Variants in RNF180 observed in about 807,000 individuals in gnomAD.
The protein encoded by RNF180 is E3 ubiquitin-protein ligase RNF180.
Under a neutral mutation model 59.2 loss-of-function variants are expected in RNF180, and 38 were observed. The ratio of observed to expected loss-of-function variants is 0.64; its 90% CI spans 0.50 to 0.84. RNF180 has a LOEUF of 0.84. Among genes scored for constraint, RNF180 ranks in the 40% least tolerant of loss-of-function variants. The probability of loss-of-function intolerance (pLI) is 0.00; values close to 1 mark genes in which losing one functional copy is unlikely to be tolerated. For synonymous variants in RNF180, 262 were observed against 240.3 expected, an observed-to-expected ratio of 1.09 and a Z score of -0.84; for missense variants, 705 against 700.9, an observed-to-expected ratio of 1.01 and a Z score of -0.07.
intron 1 of RNF180, among the ~76,000 whole-genome samples, chr5:64,182,137 C>CCCA (rs1383752089): frequency 4.6e-5 from 7 of 151,052 alleles, no homozygotes; most frequent in Non-Finnish European, 7.4e-5. Context: ...ACTACAGGCG[C>CCCA]CCACCACCAC....
intron 5 of RNF180, among the ~76,000 whole-genome samples, chr5:64,320,037 T>G (rs567962614): frequency 6.6e-6 from 1 of 152,310 alleles, no homozygotes; most frequent in South Asian, 2.1e-4. Flanking sequence ...CCTGGGAACC[T>G]ATTAAAAATG....
chr5:64,307,342 A>T (rs1743525692), intron 5 of RNF180, among the ~76,000 whole-genome samples: 1 of 151,572 alleles, frequency 6.6e-6, no homozygotes, highest in Non-Finnish European at 1.5e-5. Flanking sequence ...GCATTTAAAA[A>T]TTAGTGTTAA....
At chr5:64,366,583 C>T (rs1428023252) in intron 7 of RNF180, among the ~76,000 whole-genome samples, 2 of 151,162 alleles carry the variant, frequency 1.3e-5, no homozygotes, top group Non-Finnish European at 3.0e-5. Flanking sequence ...AAATGAAATA[C>T]AAAATATATT....
chr5:64,239,950 C>T (rs1275927335), intron 5 of RNF180, among the ~76,000 whole-genome samples: 3 of 152,106 alleles, frequency 2.0e-5, no homozygotes, highest in African/African-American at 7.2e-5. Context: ...ATGTACTGCT[C>T]ACCTATATAC....
chr5:64,259,584 T>G (rs1385334553), intron 5 of RNF180, among the ~76,000 whole-genome samples: 1 of 152,152 alleles, frequency 6.6e-6, no homozygotes, highest in East Asian at 1.9e-4. Context: ...TTTTTCAAAT[T>G]TAAGTTAGCA....
chr5:64,181,162 G>A (rs975074154), intron 1 of RNF180, among the ~76,000 whole-genome samples: 2 of 152,136 alleles, frequency 1.3e-5, no homozygotes, highest in Non-Finnish European at 2.9e-5. Context: ...TTCTAGCCTC[G>A]CTGGCAGCTG....
Position 64,214,237 on chromosome 5 carries a change from C to T in RNF180, c.911C>T (p.Thr304Ile), listed in dbSNP as rs150887810. Residue 304 changes from threonine to isoleucine, a missense_variant, in exon 4 of 8, where the codon ACA becomes ATA. Coordinates refer to ENST00000389100, the MANE Select transcript of RNF180 (RefSeq NM_001113561.2). ...RFSVAPHETQTQRGGEFQCGL... is the reference protein window; with the variant it reads ...RFSVAPHETQIQRGGEFQCGL... ...TCAGTGGCCCCCCATGAGACCCAGA[C>T]ACAAAGAGGAGGAGAATTTCAGTGT... is the stretch of plus-strand genomic sequence containing the variant. The T allele has an allele frequency of 2.2e-4, 350 of 1,614,020 alleles. 1 individual carries two copies. In the African/African-American group the frequency reaches 3.6e-3, roughly 17 times the overall value.
At chr5:64,353,771 A>G (rs547017344) in intron 7 of RNF180, among the ~76,000 whole-genome samples, 4 of 151,886 alleles carry the variant, frequency 2.6e-5, no homozygotes, top group Non-Finnish European at 5.9e-5. Context: ...AATACAAAGT[A>G]TCTTCGCTGA....
At chr5:64,220,269 T>G (rs1752841548) in intron 5 of RNF180, among the ~76,000 whole-genome samples, 1 of 151,778 alleles carries the variant, frequency 6.6e-6, no homozygotes, top group Non-Finnish European at 1.5e-5. Context: ...TTTCTTCTCT[T>G]TACTTCCTTT....
intron 5 of RNF180, among the ~76,000 whole-genome samples, chr5:64,289,636 G>A (rs190029617): frequency 1.3e-5 from 2 of 152,158 alleles, no homozygotes; most frequent in Admixed American, 1.3e-4. Context: ...TATGTGTCTA[G>A]GAACGTATTC....
Position 64,249,284 on chromosome 5 carries a change from C to T in RNF180, c.1227+31888C>T, listed in dbSNP as rs143067285. On this transcript the variant is annotated intron_variant, in intron 5 of 7. Coordinates refer to ENST00000389100, the MANE Select transcript of RNF180 (RefSeq NM_001113561.2). ...AGAAAAAATAAGCTCACTGTCAAAACTTAAAGACAGAGAGGATTCTAAAAG... is the reference window on the plus strand; with the variant it reads ...AGAAAAAATAAGCTCACTGTCAAAATTTAAAGACAGAGAGGATTCTAAAAG... 3.4e-3 allele frequency among the ~76,000 whole-genome samples: 523 copies of T among 152,112 alleles called. 2 individuals are homozygous for T. Among genetic ancestry groups the T allele is most frequent in the African/African-American group, 0.011 (475 of 41,498 alleles).
At chr5:64,328,655 C>T (rs1744761370) in intron 6 of RNF180, among the ~76,000 whole-genome samples, 1 of 152,090 alleles carries the variant, frequency 6.6e-6, no homozygotes, top group South Asian at 2.1e-4. Context: ...ACTTCAGTTG[C>T]CTAGAGTAGT....
intron 1 of RNF180, 186 bp downstream of exon 1, chr5:64,166,139 G>A: frequency 6.6e-6 from 1 of 152,432 alleles, no homozygotes; most frequent in Non-Finnish European, 1.5e-5. Flanking sequence ...CGGGCCTCAG[G>A]TGACGCGGCC....
chr5:64,354,231 TAAAAG>T (rs1183737122), intron 7 of RNF180, among the ~76,000 whole-genome samples: 6 of 151,684 alleles, frequency 4.0e-5, no homozygotes, highest in Admixed American at 6.6e-5. Context: ...CTGACAAAGA[TAAAAG>T]AGAGAGGATG....
intron 7 of RNF180, among the ~76,000 whole-genome samples, chr5:64,346,945 C>A (rs1745582574): frequency 6.6e-6 from 1 of 152,100 alleles, no homozygotes; most frequent in Non-Finnish European, 1.5e-5. Context: ...TGTTTATTTT[C>A]TGCATATCTG....
At chr5:64,345,480 AAG>A (rs1431297084) in intron 7 of RNF180, among the ~76,000 whole-genome samples, 1 of 151,150 alleles carries the variant, frequency 6.6e-6, no homozygotes, top group African/African-American at 2.5e-5. Context: ...ACACTGATAT[AAG>A]AGAAAAATAA....
At chr5:64,308,749 A>G (rs1159507010) in intron 5 of RNF180, among the ~76,000 whole-genome samples, 1 of 151,790 alleles carries the variant, frequency 6.6e-6, no homozygotes, top group Non-Finnish European at 1.5e-5. Context: ...TAAAATTGGA[A>G]TATGCAACAA....
intron 5 of RNF180, among the ~76,000 whole-genome samples, chr5:64,223,468 T>C (rs1481204214): frequency 6.6e-6 from 1 of 152,198 alleles, no homozygotes; most frequent in Non-Finnish European, 1.5e-5. Flanking sequence ...CAGTTATTTT[T>C]CTGAGTGCAT....
At chr5:64,182,199 G>A (rs1033344444) in intron 1 of RNF180, among the ~76,000 whole-genome samples, 2 of 152,002 alleles carry the variant, frequency 1.3e-5, no homozygotes, top group Admixed American at 6.6e-5. Flanking sequence ...CACTGTGTTA[G>A]CCAGGATGGT....
Sources: allele counts gnomAD v4.1 joint callset (sites outside exome capture counted in the v4.1 genomes callset), GRCh38; gene constraint gnomAD v4.1.1; transcripts MANE v1.5; gene names NCBI Gene and HGNC (gene_info 2026-07-23, HGNC 2026-07-21).